LAYN: variants seen among roughly 807,000 people sequenced by gnomAD.
LAYN encodes layilin.
In LAYN, 38 loss-of-function variants were observed where a neutral mutation model predicts 43.6. That is an observed-to-expected ratio of 0.87 (90% confidence interval 0.67 to 1.14). The LOEUF (loss-of-function observed/expected upper bound fraction) is 1.14, where lower values mean the gene tolerates loss of function less well. Ranked by LOEUF, LAYN falls within the 50% of genes most tolerant of loss-of-function variation. The pLI is 0.00. For missense variants in LAYN, 479 were observed against 463.8 expected, an observed-to-expected ratio of 1.03 and a Z score of -0.30; for synonymous variants, 168 against 172.9, an observed-to-expected ratio of 0.97 and a Z score of 0.22.
At chr11:111,554,527 T>C in intron 3 of LAYN, 34 bp from the exon 4 acceptor site, 1 of 1,558,544 alleles carries the variant, frequency 6.4e-7, no homozygotes, top group Non-Finnish European at 8.8e-7. Context: ...AAAAACTTAC[T>C]ACTTATTTTT....
intron 2 of LAYN, among the ~76,000 whole-genome samples, chr11:111,545,510 C>T (rs1027488245): frequency 5.9e-5 from 9 of 152,182 alleles, no homozygotes; most frequent in African/African-American, 1.9e-4. Context: ...GCCCATAATA[C>T]ATAACAGCAG....
Position 111,556,503 on chromosome 11 carries a change from A to G in LAYN, c.659-1038A>G, listed in dbSNP as rs115026159. On this transcript the variant is annotated intron_variant, in intron 5 of 6. Coordinates refer to ENST00000375614, the MANE Select transcript of LAYN (RefSeq NM_178834.5). ...TCCTTATAAACCCTCTTATGGTCTG[A>G]GGGGCTCATGAATAACAAATTCACT... is the stretch of plus-strand genomic sequence containing the variant. Among the ~76,000 whole-genome samples, 189 of 152,278 alleles carry G rather than the reference A, an allele frequency of 1.2e-3. 1 individual carries two copies. The highest frequency in any genetic ancestry group is 4.4e-3 in the African/African-American group (182 of 41,560).
chr11:111,549,133 C>T lies in LAYN; in HGVS notation c.384-485C>T, dbSNP rs536629967. Among the ~76,000 whole-genome samples the T allele has an allele frequency of 4.6e-5, 7 of 152,312 alleles. No individual in the cohort carries two copies. In the South Asian group the frequency reaches 1.4e-3, roughly 32 times the overall value. On this transcript the variant is annotated intron_variant, in intron 2 of 6. Coordinates refer to ENST00000375614, the MANE Select transcript of LAYN (RefSeq NM_178834.5). The stretch of plus-strand genomic sequence containing the variant: ...CAGCCTCTATGTTTGGAATGTCTTG[C>T]TCATGTGCTTGAATTTCTTATCTAC...
At chr11:111,551,001 GCA>G (rs145317208) in intron 3 of LAYN, among the ~76,000 whole-genome samples, 65 of 152,226 alleles carry the variant, frequency 4.3e-4, no homozygotes, top group African/African-American at 1.5e-3. Context: ...GAAAAAGATG[GCA>G]CACACAAAGG....
intron 2 of LAYN, among the ~76,000 whole-genome samples, chr11:111,547,470 A>C (rs1867667785): frequency 6.6e-6 from 1 of 152,252 alleles, no homozygotes; most frequent in Admixed American, 6.5e-5. Flanking sequence ...GTAAAAATTA[A>C]TATAGCCTTG....
At chr11:111,557,715 A>AAATGCTGC in intron 6 of LAYN, 72 bp downstream of exon 6, 1 of 1,271,902 alleles carries the variant, frequency 7.9e-7, no homozygotes, top group East Asian at 2.3e-5. Context: ...TGCCTTGTTT[A>AAATGCTGC]CTTCATTAAA....
At position 111,549,764 on chromosome 11, in the gene LAYN, A is replaced by G. The variant is rs1437680608; in HGVS notation, c.530A>G (p.Lys177Arg). 2.5e-6 allele frequency: 4 copies of G among 1,602,806 alleles called. No homozygotes were observed. The highest frequency in any genetic ancestry group is 2.6e-6 in the Non-Finnish European group (3 of 1,175,906). ...RCNMKNNFIC[K>R]YSDEKPAVPS... ...AACATGAAGAACAATTTCATTTGCA[A>G]ATATTCTGATGGTAATGAATCCTCT... Residue 177 changes from lysine (K) to arginine (R), a missense_variant, in exon 3 of 7, where the codon AAA (lysine) becomes AGA (arginine). Coordinates refer to ENST00000375614, the MANE Select transcript of LAYN (RefSeq NM_178834.5).
At chr11:111,559,048 A>C (rs1393835840) in intron 6 of LAYN, among the ~76,000 whole-genome samples, 8 of 152,052 alleles carry the variant, frequency 5.3e-5, no homozygotes, top group Non-Finnish European at 1.2e-4. Flanking sequence ...AGCTGCCCTA[A>C]GTGCTAGGAT....
chr11:111,541,444 G>T, intron 1 of LAYN: 1 of 994,598 alleles, frequency 1.0e-6, no homozygotes, highest in South Asian at 1.4e-5. Flanking sequence ...TGGCTGGGTC[G>T]AGCGCCCGGT....
At chr11:111,556,249 C>G in intron 5 of LAYN, among the ~76,000 whole-genome samples, 1 of 152,216 alleles carries the variant, frequency 6.6e-6, no homozygotes, top group Non-Finnish European at 1.5e-5. Flanking sequence ...GGAGGAGTTT[C>G]CTTGTCATCC....
At chr11:111,547,397 G>A (rs1270990895) in intron 2 of LAYN, among the ~76,000 whole-genome samples, 1 of 152,198 alleles carries the variant, frequency 6.6e-6, no homozygotes, top group Non-Finnish European at 1.5e-5. Flanking sequence ...GTAGGTCAGT[G>A]TGATTTTCTG....
At chr11:111,554,148 T>C (rs1267412733) in intron 3 of LAYN, among the ~76,000 whole-genome samples, 1 of 152,154 alleles carries the variant, frequency 6.6e-6, no homozygotes, top group Non-Finnish European at 1.5e-5. Context: ...AAAAAATGTC[T>C]TAGACTGCTT....
At position 111,544,106 on chromosome 11, in the gene LAYN, T is replaced by C. The variant is rs1196199114; in HGVS notation, c.269T>C (p.Leu90Ser). The change falls in exon 2 of 7, where the codon TTG (leucine) becomes TCG (serine). Residue 90 changes from leucine to serine, a missense_variant. Leu to Ser is a moderately radical substitution (Grantham distance 145). Transcript: ENST00000375614. ...ATAGAAAAGTTCATTGAAAACCTCT[T>C]GCCATCTGATGGTGACTTCTGGATT... Reference protein sequence around the residue: ...KLIEKFIENLLPSDGDFWIGL... With the variant: ...KLIEKFIENLSPSDGDFWIGL... 3 of 1,614,034 alleles carry C rather than the reference T, an allele frequency of 1.9e-6. No individual in the cohort carries two copies. The highest frequency in any genetic ancestry group is 1.7e-6 in the Non-Finnish European group (2 of 1,180,030).
At chr11:111,541,423 G>T (rs1867536315) in intron 1 of LAYN, 1 of 755,610 alleles carries the variant, frequency 1.3e-6, no homozygotes, top group South Asian at 1.5e-5. Flanking sequence ...CGTCTCTTCT[G>T]CGGGGTTGGA....
intron 5 of LAYN, among the ~76,000 whole-genome samples, chr11:111,556,280 T>C (rs766677339): frequency 2.6e-5 from 4 of 152,190 alleles, no homozygotes; most frequent in African/African-American, 7.2e-5. Flanking sequence ...GGAATCAGGA[T>C]GCATTAGCAT....
At chr11:111,552,857 G>A (rs1867767216) in intron 3 of LAYN, among the ~76,000 whole-genome samples, 1 of 152,084 alleles carries the variant, frequency 6.6e-6, no homozygotes, top group African/African-American at 2.4e-5. Flanking sequence ...ATTCTTTCTT[G>A]TTTGCTGTTT....
In LAYN at chr11:111,560,117, A is replaced by T; in HGVS notation, c.784A>T (p.Ser262Cys). ...TAGAAAACGGGAGCAGCCAGACCCT[A>T]GCACAAAGAAGCAACACACCATCTG... ...RKRKREQPDPSTKKQHTIWPS... is the reference protein window; with the variant it reads ...RKRKREQPDPCTKKQHTIWPS... The change falls in exon 7 of 7, where the codon AGC (serine) becomes TGC (cysteine). Residue 262 changes from serine (S) to cysteine (C), a missense_variant. By Grantham distance (112) the Ser-to-Cys change is moderately radical. Transcript: ENST00000375614. 1.9e-6 allele frequency: 3 copies of T among 1,612,474 alleles called. No individual in the cohort carries two copies. The highest frequency in any genetic ancestry group is 1.7e-6 in the Non-Finnish European group (2 of 1,178,942).
At chr11:111,555,326 C>A (rs1867817617) in intron 5 of LAYN, 36 bp downstream of exon 5, 1 of 1,439,806 alleles carries the variant, frequency 6.9e-7, no homozygotes, top group South Asian at 1.2e-5. Context: ...GATGAATAAT[C>A]AGGCTCCCTT....
At chr11:111,544,775 A>T (rs1037494707) in intron 2 of LAYN, among the ~76,000 whole-genome samples, 7 of 152,180 alleles carry the variant, frequency 4.6e-5, no homozygotes, top group Non-Finnish European at 7.3e-5. Flanking sequence ...ACAAACATTT[A>T]AAAAATATCA....
Sources: allele counts gnomAD v4.1 joint callset (sites outside exome capture counted in the v4.1 genomes callset), GRCh38; gene constraint gnomAD v4.1.1; transcripts MANE v1.5; gene names NCBI Gene and HGNC (gene_info 2026-07-23, HGNC 2026-07-21).